GCNT4: variants seen among roughly 807,000 people sequenced by gnomAD.
GCNT4 encodes the protein beta-1,3-galactosyl-O-glycosyl-glycoprotein beta-1,6-N-acetylglucosaminyltransferase 4.
A neutral mutation model predicts 31.3 loss-of-function variants in GCNT4; 17 were observed. That is an observed-to-expected ratio of 0.54 (90% CI 0.37 to 0.81). GCNT4 has a LOEUF of 0.81. Ranked by LOEUF, GCNT4 falls within the 40% of genes least tolerant of loss-of-function variation. The probability of loss-of-function intolerance (pLI) is 0.00; values close to 1 mark genes in which losing one functional copy is unlikely to be tolerated. For missense variants in GCNT4, 503 were observed against 525.5 expected (o/e 0.96, Z 0.42); for synonymous variants, 158 against 190.6 (o/e 0.83, Z 1.41).
downstream of GCNT4, among the ~76,000 whole-genome samples, chr5:75,024,819 C>G (rs756012325): frequency 6.6e-6 from 1 of 151,776 alleles, no homozygotes. Context: ...GGCATGGTGG[C>G]GGGCACCTGT....
chr5:75,054,053 C>G (rs1343697242), upstream of GCNT4, among the ~76,000 whole-genome samples: 1 of 147,134 alleles, frequency 6.8e-6, no homozygotes, highest in East Asian at 2.0e-4. Flanking sequence ...ATGGGTGAGA[C>G]GAGGAGTGTC....
chr5:75,029,127 T>C lies in GCNT4; in HGVS notation c.911A>G (p.Tyr304Cys), dbSNP rs763739855. The C allele has an allele frequency of 9.3e-6, 15 of 1,614,008 alleles. No homozygotes were observed. The Admixed American group carries it at 1.7e-4, about 18-fold the overall frequency. ...AACAAATGCTTGACTTAAAACAAAA[T>C]AAGCACTGCCAACAAATATCTGAAT... ...HNIQIFVGSA[Y>C]FVLSQAFVKY... Residue 304 changes from tyrosine (Y) to cysteine (C), a missense_variant, in exon 4 of 4, where the codon TAT becomes TGT. Coordinates refer to ENST00000652361, the MANE Select transcript of GCNT4 (RefSeq NM_001366737.1).
At position 75,026,930 on chromosome 5, in the gene GCNT4, G is replaced by C. The variant is rs1037082272; in HGVS notation, c.*1746C>G. On this transcript the variant is annotated 3_prime_UTR_variant, in exon 4 of 4. Coordinates refer to ENST00000652361, the MANE Select transcript of GCNT4 (RefSeq NM_001366737.1). ...AAAAATGAGTTCAAGAGAAGAAAGGGAGCGAGAAGTGGTGTCAGTTGGCAG... is the reference window on the plus strand; with the variant it reads ...AAAAATGAGTTCAAGAGAAGAAAGGCAGCGAGAAGTGGTGTCAGTTGGCAG... The C allele has an allele frequency of 9.2e-5, 14 of 152,050 alleles. No homozygotes were observed. The highest frequency in any genetic ancestry group is 3.4e-4 in the African/African-American group (14 of 41,416). 9.4% of individuals were successfully genotyped at this position (152,050 alleles called of 1,614,324 possible). A position where few individuals can be genotyped will look rare whatever the true frequency, so the allele number is the denominator to read the frequency against.
At chr5:75,053,857 G>C (rs1440101962), upstream of GCNT4, among the ~76,000 whole-genome samples, 1 of 152,220 alleles carries the variant, frequency 6.6e-6, no homozygotes, top group Non-Finnish European at 1.5e-5. Context: ...TCCACGTTCG[G>C]TTCCCTCCCA....
At chr5:75,044,646 A>G (rs1580245521) in intron 3 of GCNT4, among the ~76,000 whole-genome samples, 3 of 152,138 alleles carry the variant, frequency 2.0e-5, no homozygotes, top group Admixed American at 2.0e-4. Context: ...TTCTGTAAAC[A>G]AGGACTGGGC....
rs1743595115 is a variant in GCNT4 at position 75,052,433 on chromosome 5, C to CA, written c.-207dup. The CA allele has an allele frequency of 6.6e-6, 1 of 152,180 alleles. No individual in the cohort carries two copies. The highest frequency in any genetic ancestry group is 1.5e-5 in the Non-Finnish European group (1 of 68,052). 9.4% of individuals were successfully genotyped at this position (152,180 alleles called of 1,614,324 possible). A position where few individuals can be genotyped will look rare whatever the true frequency, so the allele number is the denominator to read the frequency against. On this transcript the variant is annotated 5_prime_UTR_variant, in exon 1 of 4. Transcript: ENST00000652361. The stretch of plus-strand genomic sequence containing the variant: ...ACACCCACTCGCCCCGTTTACCTAG[C>CA]ACCGTTTCCTACGTGAAGACTGCAA...
rs927801915 is a variant in GCNT4, at chr5:75,026,904, G to A, written c.*1772C>T. On this transcript the variant is annotated 3_prime_UTR_variant, in exon 4 of 4. Coordinates refer to ENST00000652361, the MANE Select transcript of GCNT4 (RefSeq NM_001366737.1). ...TTTGAAGGGGGTAAATAAAAAGGGA[G>A]AAAAATGAGTTCAAGAGAAGAAAGG... 6.6e-6 allele frequency: 1 copy of A among 152,022 alleles called. No homozygotes were observed. Among genetic ancestry groups the A allele is most frequent in the African/African-American group, 2.4e-5 (1 of 41,406 alleles). The allele number at this position is 152,022 out of a possible 1,614,324, so 9.4% of individuals were successfully genotyped here.
intron 3 of GCNT4, among the ~76,000 whole-genome samples, chr5:75,046,059 C>G (rs1743431542): frequency 6.6e-6 from 1 of 152,172 alleles, no homozygotes; most frequent in East Asian, 1.9e-4. Flanking sequence ...GATCTCTTCT[C>G]CAGTTCTGCA....
intron 3 of GCNT4, among the ~76,000 whole-genome samples, chr5:75,043,726 GC>G (rs774334882): frequency 2.5e-4 from 38 of 152,288 alleles, no homozygotes; most frequent in Non-Finnish European, 5.1e-4. Flanking sequence ...AGAAAAGTAA[GC>G]CCTTATATGT....
intron 3 of GCNT4, among the ~76,000 whole-genome samples, chr5:75,043,431 A>G (rs1743363928): frequency 6.6e-6 from 1 of 152,214 alleles, no homozygotes; most frequent in African/African-American, 2.4e-5. Context: ...TGTCTCTTGA[A>G]AAGACTTTCC....
At chr5:75,023,343 C>T (rs1742902496), downstream of GCNT4, among the ~76,000 whole-genome samples, 1 of 152,104 alleles carries the variant, frequency 6.6e-6, no homozygotes, top group East Asian at 1.9e-4. Flanking sequence ...TATACATCAA[C>T]CAAGCATCCT....
At chr5:75,022,772 T>C (rs778148326), downstream of GCNT4, among the ~76,000 whole-genome samples, 1 of 152,226 alleles carries the variant, frequency 6.6e-6, no homozygotes, top group Non-Finnish European at 1.5e-5. Flanking sequence ...AAAAGGAGAC[T>C]GCAGGTAGGT....
At chr5:75,039,059 G>T (rs1353191443) in intron 3 of GCNT4, among the ~76,000 whole-genome samples, 1 of 151,936 alleles carries the variant, frequency 6.6e-6, no homozygotes, top group Non-Finnish European at 1.5e-5. Context: ...CTATTTCCAT[G>T]ATCTTATTCA....
chr5:75,052,063 G>C (rs1364195037), intron 2 of GCNT4, 106 bp downstream of exon 2: 1 of 152,206 alleles, frequency 6.6e-6, no homozygotes, highest in East Asian at 1.9e-4. Flanking sequence ...AACAAAAGCT[G>C]TCAGAATGAA....
chr5:75,031,253 G>C (rs1743055668), intron 3 of GCNT4, among the ~76,000 whole-genome samples: 2 of 152,188 alleles, frequency 1.3e-5, no homozygotes, highest in Admixed American at 1.3e-4. Context: ...TTTTTCTTTA[G>C]TAGGGACGGA....
At chr5:75,047,355 T>C (rs1054756949) in intron 3 of GCNT4, among the ~76,000 whole-genome samples, 4 of 152,212 alleles carry the variant, frequency 2.6e-5, no homozygotes, top group African/African-American at 9.7e-5. Context: ...ATTTTATTTA[T>C]TTATTATTGA....
chr5:75,042,011 C>T (rs1319897864), intron 3 of GCNT4, among the ~76,000 whole-genome samples: 2 of 152,172 alleles, frequency 1.3e-5, no homozygotes, highest in Admixed American at 1.3e-4. Context: ...AATACTTATG[C>T]CTTCAAATTT....
intron 3 of GCNT4, among the ~76,000 whole-genome samples, chr5:75,039,142 T>C (rs1172637608): frequency 6.6e-6 from 1 of 152,128 alleles, no homozygotes; most frequent in Non-Finnish European, 1.5e-5. Flanking sequence ...TGGAGTGCAA[T>C]GGCACAATCT....
chr5:75,033,681 T>A (rs113549004), intron 3 of GCNT4, among the ~76,000 whole-genome samples: 13,760 of 131,478 alleles, frequency 0.1, 623 homozygotes, highest in Middle Eastern at 0.16. Context: ...TTATTTTTTT[T>A]TTTTTACTTT....
Sources: gnomAD v4.1 joint callset for allele counts (sites outside exome capture counted in the v4.1 genomes callset) on GRCh38, gnomAD v4.1.1 for gene constraint, MANE v1.5 for transcripts, NCBI Gene and HGNC (gene_info 2026-07-23, HGNC 2026-07-21) for gene names.